The following LDAF1 variants were observed in gnomAD, a reference collection of about 807,000 sequenced individuals.
LDAF1 encodes the protein lipid droplet assembly factor 1.
In LDAF1, 7 loss-of-function variants were observed where a neutral mutation model predicts 13.5. The ratio of observed to expected loss-of-function variants is 0.52; its 90% CI spans 0.29 to 0.97. The LOEUF is 0.97. LDAF1 is among the 50% of genes least tolerant of loss of function. The pLI, the probability that LDAF1 is intolerant of heterozygous loss-of-function variation, is 0.07. For missense variants in LDAF1, 148 were observed against 193.2 expected (o/e 0.77, Z 1.39); for synonymous variants, 69 against 77.1 (o/e 0.89, Z 0.55).
chr16:21,174,248 G>A (rs2093119051), intron 4 of LDAF1, 100 bp downstream of exon 4: 1 of 1,148,486 alleles, frequency 8.7e-7, no homozygotes, highest in South Asian at 1.6e-5. Flanking sequence ...GGAGTGCAGT[G>A]GCATGAACAT....
chr16:21,169,533 TC>T (rs1490454935), intron 2 of LDAF1, among the ~76,000 whole-genome samples: 7 of 152,120 alleles, frequency 4.6e-5, no homozygotes, highest in African/African-American at 1.7e-4. Context: ...GGTCTCAAAC[TC>T]CTGGCCTCAA....
chr16:21,171,362 C>T (rs890647839), intron 3 of LDAF1, among the ~76,000 whole-genome samples: 2 of 152,202 alleles, frequency 1.3e-5, no homozygotes, highest in African/African-American at 4.8e-5. Flanking sequence ...CCGTGGCTTC[C>T]CAGAGCTAAG....
intron 1 of LDAF1, 121 bp from the exon 2 acceptor site, chr16:21,160,964 G>T: frequency 8.1e-7 from 1 of 1,231,328 alleles, no homozygotes; most frequent in Non-Finnish European, 1.1e-6. Context: ...TGAAATTGTT[G>T]TGAATATTGC....
At position 21,179,455 on chromosome 16, in the gene LDAF1, C is replaced by T. The variant is rs758585149; in HGVS notation, c.405-20C>T. Reference sequence around the variant, plus strand: ...TTACTGAGGCCCTAGAGCTAACGATCTCTTCTTGTTATCCGACAGGCCACT... The same window carrying T: ...TTACTGAGGCCCTAGAGCTAACGATTTCTTCTTGTTATCCGACAGGCCACT... On this transcript the variant is annotated intron_variant, in intron 4 of 4. Coordinates refer to ENST00000233047, the MANE Select transcript of LDAF1 (RefSeq NM_001301771.2). 8 of 1,613,978 alleles carry T rather than the reference C, an allele frequency of 5.0e-6. No homozygotes were observed. The highest frequency in any genetic ancestry group is 6.8e-6 in the Non-Finnish European group (8 of 1,180,000).
intron 3 of LDAF1, chr16:21,172,904 C>T: frequency 1.1e-6 from 1 of 922,240 alleles, no homozygotes. Context: ...GTGGGAGGAG[C>T]ACTGGGCTAA....
chr16:21,168,796 A>G (rs1597547023), intron 2 of LDAF1, among the ~76,000 whole-genome samples: 1 of 131,968 alleles, frequency 7.6e-6, no homozygotes, highest in Non-Finnish European at 1.5e-5. Context: ...TTATAAATAT[A>G]ATTATATTTT....
chr16:21,160,999 C>T lies in LDAF1; in HGVS notation c.-98-86C>T, dbSNP rs576196695. ...CCAGGTTACCCTCCGTCTGCATGCC[C>T]ACCATCAAGGTATGAGGATGGTAGA... On this transcript the variant is annotated intron_variant, in intron 1 of 4. Coordinates refer to ENST00000233047, the MANE Select transcript of LDAF1 (RefSeq NM_001301771.2). 15 of 1,345,578 alleles carry T rather than the reference C, an allele frequency of 1.1e-5. No individual in the cohort carries two copies. The African/African-American group carries it at 2.0e-4, about 18-fold the overall frequency. The allele number at this position is 1,345,578 out of a possible 1,614,324, so 83.4% of individuals were successfully genotyped here.
chr16:21,173,055 C>A (rs894936113), intron 3 of LDAF1, among the ~76,000 whole-genome samples: 10 of 152,106 alleles, frequency 6.6e-5, no homozygotes, highest in African/African-American at 1.9e-4. Context: ...ATTTTCCTTG[C>A]ACGTATTAGA....
At chr16:21,175,885 T>G (rs1345713363) in intron 4 of LDAF1, among the ~76,000 whole-genome samples, 2 of 152,228 alleles carry the variant, frequency 1.3e-5, no homozygotes, top group African/African-American at 4.8e-5. Flanking sequence ...AAAATCGCTT[T>G]GATCACTCTT....
chr16:21,160,009 G>A (rs2092950644), intron 1 of LDAF1: 1 of 975,290 alleles, frequency 1.0e-6, no homozygotes. Flanking sequence ...TTTTACAAAA[G>A]GGAAGTAGCA....
At chr16:21,173,897 C>T (rs2093114162) in intron 3 of LDAF1, 113 bp from the exon 4 acceptor site, 3 of 1,139,328 alleles carry the variant, frequency 2.6e-6, no homozygotes, top group Non-Finnish European at 3.6e-6. Flanking sequence ...GGGAAATCTT[C>T]TTACTTTAAT....
At chr16:21,170,124 T>C (rs2093072151) in intron 2 of LDAF1, 2 of 167,570 alleles carry the variant, frequency 1.2e-5, no homozygotes, top group Non-Finnish European at 2.4e-5. Flanking sequence ...TGCCTCAGCC[T>C]CCCCAGTAGC....
At chr16:21,162,109 T>C (rs1173844363) in intron 2 of LDAF1, among the ~76,000 whole-genome samples, 2 of 152,086 alleles carry the variant, frequency 1.3e-5, no homozygotes, top group Non-Finnish European at 1.5e-5. Context: ...TGAGCTGAGA[T>C]TGTGCCACCG....
intron 2 of LDAF1, chr16:21,169,157 T>C: frequency 1.0e-6 from 1 of 984,078 alleles, no homozygotes; most frequent in Non-Finnish European, 1.2e-6. Flanking sequence ...TAGCTTTTAA[T>C]GCTGAGATTT....
At chr16:21,167,245 CTTCTTCCTAGGAGGCACATGTGT>C (rs1359798823) in intron 2 of LDAF1, among the ~76,000 whole-genome samples, 5 of 152,210 alleles carry the variant, frequency 3.3e-5, no homozygotes, top group Non-Finnish European at 5.9e-5. Flanking sequence ...TGGGTAAACT[CTTCTTCCTAGGAGGCACATGTGT>C]TTTGGGGACC....
intron 4 of LDAF1, 145 bp from the exon 5 acceptor site, chr16:21,179,330 C>T (rs1459983205): frequency 6.6e-7 from 1 of 1,524,136 alleles, no homozygotes; most frequent in Non-Finnish European, 8.8e-7. Flanking sequence ...GTTTCTTCAT[C>T]TGTATAATGG....
chr16:21,168,161 C>T (rs916134087), intron 2 of LDAF1, among the ~76,000 whole-genome samples: 2 of 151,972 alleles, frequency 1.3e-5, no homozygotes, highest in African/African-American at 4.8e-5. Context: ...ACTACCAGCA[C>T]GCGCCACCAT....
chr16:21,161,018 T>C (rs1211830053), intron 1 of LDAF1, 67 bp from the exon 2 acceptor site: 2 of 1,390,370 alleles, frequency 1.4e-6, no homozygotes, highest in South Asian at 1.7e-5. Context: ...GGTATGAGGA[T>C]GGTAGAAGCT....
chr16:21,173,858 T>G, intron 3 of LDAF1, 152 bp from the exon 4 acceptor site: 1 of 823,744 alleles, frequency 1.2e-6, no homozygotes. Flanking sequence ...CTCCTTTTTT[T>G]AAGTGATGCT....
Sources: gnomAD v4.1 joint callset for allele counts (sites outside exome capture counted in the v4.1 genomes callset) on GRCh38, gnomAD v4.1.1 for gene constraint, MANE v1.5 for transcripts, NCBI Gene and HGNC (gene_info 2026-07-23, HGNC 2026-07-21) for gene names.